MCC: variants seen among roughly 807,000 people sequenced by gnomAD.
MCC encodes the protein MCC regulator of Wnt signaling pathway.
A neutral mutation model predicts 116.2 loss-of-function variants in MCC; 90 were observed. The observed-to-expected ratio is 0.77, with a 90% confidence interval of 0.65 to 0.92. The LOEUF (loss-of-function observed/expected upper bound fraction) is 0.92. MCC is among the 40% of genes least tolerant of loss of function. The pLI is 0.00. For missense variants in MCC, 1,516 were observed against 1,312.2 expected (o/e 1.16, Z -2.40); for synonymous variants, 578 against 510.5 (o/e 1.13, Z -1.78).
intron 5 of MCC, among the ~76,000 whole-genome samples, chr5:113,129,437 A>G (rs1050745004): frequency 2.6e-5 from 4 of 152,262 alleles, no homozygotes; most frequent in Non-Finnish European, 4.4e-5. Flanking sequence ...AAGATACCAT[A>G]GACAGGGTGG....
intron 2 of MCC, among the ~76,000 whole-genome samples, chr5:113,376,610 T>C (rs1161099850): frequency 8.6e-6 from 1 of 116,400 alleles, no homozygotes; most frequent in African/African-American, 3.6e-5. Context: ...CACACACATA[T>C]CAGTATTATG....
intron 13 of MCC, among the ~76,000 whole-genome samples, chr5:113,067,183 C>T (rs1753671789): frequency 1.3e-5 from 2 of 151,370 alleles, no homozygotes; most frequent in South Asian, 2.1e-4. Flanking sequence ...GTGCAGATCT[C>T]GAGGTACAGG....
rs1480996383 is a variant in MCC, at chr5:113,327,561, A to AAAAT, written c.627+12957_627+12958insATTT. On this transcript the variant is annotated intron_variant, in intron 3 of 18. Transcript: ENST00000408903. ...ACTCAGTCTCAAAAAAAAAAAAAAAAATATATATATATATATATATATATA... is the reference window on the plus strand; with the variant it reads ...ACTCAGTCTCAAAAAAAAAAAAAAAAAAATATATATATATATATATATATATATA... Among the ~76,000 whole-genome samples the AAAAT allele has an allele frequency of 1.9e-3, 153 of 80,542 alleles. 2 individuals are homozygous for AAAAT. The highest frequency in any genetic ancestry group is 2.8e-3 in the Non-Finnish European group (114 of 40,388). 52.8% of individuals were successfully genotyped at this position (80,542 alleles called of 152,430 possible).
chr5:113,293,631 A>T (rs1766595940), intron 3 of MCC, among the ~76,000 whole-genome samples: 1 of 152,214 alleles, frequency 6.6e-6, no homozygotes, highest in East Asian at 1.9e-4. Context: ...ACATTTGCAT[A>T]GTGTTTGATG....
At chr5:113,194,417 C>A (rs1451375348) in intron 3 of MCC, among the ~76,000 whole-genome samples, 5 of 152,104 alleles carry the variant, frequency 3.3e-5, no homozygotes, top group Admixed American at 3.3e-4. Context: ...TGAATACCGA[C>A]AATTTAGGAG....
chr5:113,099,006 C>A (rs1368530674), intron 8 of MCC, among the ~76,000 whole-genome samples: 4 of 152,042 alleles, frequency 2.6e-5, no homozygotes, highest in Admixed American at 6.6e-5. Context: ...AGGACAGATC[C>A]CTCCTGAGGG....
chr5:113,069,092 C>A (rs942604925), intron 12 of MCC, among the ~76,000 whole-genome samples: 2 of 152,206 alleles, frequency 1.3e-5, no homozygotes, highest in African/African-American at 4.8e-5. Flanking sequence ...AAAGTCCATT[C>A]CTCCATTGCA....
chr5:113,220,867 G>A (rs1361420003), intron 3 of MCC, among the ~76,000 whole-genome samples: 4 of 152,182 alleles, frequency 2.6e-5, no homozygotes, highest in Non-Finnish European at 4.4e-5. Context: ...ATGTTGAACA[G>A]ACGTGGTGAA....
At chr5:113,455,733 A>G (rs1771523978) in intron 1 of MCC, among the ~76,000 whole-genome samples, 1 of 152,244 alleles carries the variant, frequency 6.6e-6, no homozygotes, top group Admixed American at 6.5e-5. Context: ...ATCAGCCCCA[A>G]ATATGAGCAA....
At chr5:113,377,286 G>T (rs980667212) in intron 2 of MCC, among the ~76,000 whole-genome samples, 1 of 152,084 alleles carries the variant, frequency 6.6e-6, no homozygotes, top group African/African-American at 2.4e-5. Context: ...CAAGAAGTAG[G>T]TTTGAGGGGT....
At chr5:113,459,356 T>A (rs989527380) in intron 1 of MCC, among the ~76,000 whole-genome samples, 2 of 151,792 alleles carry the variant, frequency 1.3e-5, no homozygotes, top group Non-Finnish European at 2.9e-5. Context: ...GCTAACATGA[T>A]GAAATGCTGT....
chr5:113,276,857 T>C (rs1033988928), intron 3 of MCC, among the ~76,000 whole-genome samples: 1 of 150,304 alleles, frequency 6.7e-6, no homozygotes, highest in Non-Finnish European at 1.5e-5. Context: ...GAGGCTGGTC[T>C]ACACTCCTAG....
chr5:113,283,657 T>C (rs1561505390), intron 3 of MCC, among the ~76,000 whole-genome samples: 1 of 152,018 alleles, frequency 6.6e-6, no homozygotes, highest in African/African-American at 2.4e-5. Flanking sequence ...ATCTCATTAT[T>C]CCCCCCGCAA....
chr5:113,292,405 G>T (rs953895628), intron 3 of MCC, among the ~76,000 whole-genome samples: 3 of 152,084 alleles, frequency 2.0e-5, no homozygotes, highest in Non-Finnish European at 4.4e-5. Context: ...GAGAAGAAAA[G>T]AACATCTGGT....
intron 6 of MCC, among the ~76,000 whole-genome samples, chr5:113,114,138 C>A (rs1485168758): frequency 6.6e-6 from 1 of 151,902 alleles, no homozygotes; most frequent in Non-Finnish European, 1.5e-5. Flanking sequence ...AGAAAAAAAT[C>A]AAAATGTGGC....
At chr5:113,358,520 G>A (rs963440991) in intron 2 of MCC, among the ~76,000 whole-genome samples, 1 of 152,132 alleles carries the variant, frequency 6.6e-6, no homozygotes, top group African/African-American at 2.4e-5. Context: ...CCTGAGACCT[G>A]TATTAACAGT....
At chr5:113,340,039 G>A (rs1362278291) in intron 3 of MCC, among the ~76,000 whole-genome samples, 1 of 152,238 alleles carries the variant, frequency 6.6e-6, no homozygotes, top group East Asian at 1.9e-4. Flanking sequence ...AAAAAGGAAG[G>A]TAAATTACAC....
At position 113,143,319 on chromosome 5, in the gene MCC, C is replaced by T. The variant is rs1229496202; in HGVS notation, c.783G>A (p.Gln261=). Residue 261 remains glutamine, a synonymous_variant, in exon 5 of 19, where the codon CAG becomes CAA. Coordinates refer to ENST00000408903, the MANE Select transcript of MCC (RefSeq NM_001085377.2). ...SHLMREHEDV[Q]ERTTLRYEER... is the part of the protein sequence containing the mutation. ...CCTCATAGCGAAGTGTCGTTCGCTCCTGGACATCCTCATGCTCTCTCATGA... is the reference window on the plus strand; with the variant it reads ...CCTCATAGCGAAGTGTCGTTCGCTCTTGGACATCCTCATGCTCTCTCATGA... The T allele has an allele frequency of 6.2e-7, 1 of 1,613,740 alleles. No homozygotes were observed. Among genetic ancestry groups the T allele is most frequent in the East Asian group, 2.2e-5 (1 of 44,872 alleles).
rs778369907 is a variant in MCC at position 113,064,024 on chromosome 5, C to T, written c.2173G>A (p.Val725Met). The part of the protein sequence containing the change: ...GGAFAVAGCS[V>M]QPWESLSSNS... Reference sequence around the variant, plus strand: ...GAGGAAAGGCTCTCCCAGGGCTGCACGCTGCAGCCGGCCACGGCAAAGGCT... The same window carrying T: ...GAGGAAAGGCTCTCCCAGGGCTGCATGCTGCAGCCGGCCACGGCAAAGGCT... The change falls in exon 14 of 19, where the codon GTG (valine) becomes ATG (methionine). Residue 725 changes from valine to methionine, a missense_variant. Physicochemically the swap from Val to Met is conservative, Grantham distance 21 (BLOSUM62 1). Coordinates refer to ENST00000408903, the MANE Select transcript of MCC (RefSeq NM_001085377.2). The T allele has an allele frequency of 4.4e-5, 71 of 1,613,884 alleles. No individual in the cohort carries two copies. The East Asian group carries it at 8.5e-4, about 19-fold the overall frequency.
Sources: gnomAD v4.1 joint callset for allele counts (sites outside exome capture counted in the v4.1 genomes callset) on GRCh38, gnomAD v4.1.1 for gene constraint, MANE v1.5 for transcripts, NCBI Gene and HGNC (gene_info 2026-07-23, HGNC 2026-07-21) for gene names.